Variants in RUNDC3B observed in about 807,000 individuals in gnomAD.
RUNDC3B encodes RUN domain containing 3B, also known as RUN domain-containing protein 3B.
A neutral mutation model predicts 58.4 loss-of-function variants in RUNDC3B; 33 were observed. The ratio of observed to expected loss-of-function variants is 0.56; its 90% CI spans 0.43 to 0.75. The LOEUF is 0.75. RUNDC3B is among the 30% of genes least tolerant of loss of function. The probability of loss-of-function intolerance (pLI) is 0.00; values close to 1 mark genes in which losing one functional copy is unlikely to be tolerated. For synonymous variants in RUNDC3B, 193 were observed against 195.2 expected (o/e 0.99, Z 0.10); for missense variants, 501 against 535.7 (o/e 0.94, Z 0.64).
chr7:87,809,472 T>G (rs1836597911), intron 9 of RUNDC3B, among the ~76,000 whole-genome samples: 1 of 152,178 alleles, frequency 6.6e-6, no homozygotes, highest in Non-Finnish European at 1.5e-5. Context: ...CTCCTTGCTC[T>G]TTTCTTTCTG....
intron 4 of RUNDC3B, among the ~76,000 whole-genome samples, chr7:87,730,224 C>A (rs539819612): frequency 2.0e-5 from 3 of 152,116 alleles, no homozygotes; most frequent in Non-Finnish European, 4.4e-5. Flanking sequence ...GGGACTTTGT[C>A]TTAGAGATTA....
At chr7:87,694,066 G>T in intron 2 of RUNDC3B, 1 of 1,534,878 alleles carries the variant, frequency 6.5e-7, no homozygotes, top group Non-Finnish European at 8.6e-7. Context: ...TACATTGCAT[G>T]GGTTTTGTAA....
chr7:87,779,889 T>C (rs1834834608), intron 8 of RUNDC3B, among the ~76,000 whole-genome samples: 1 of 151,986 alleles, frequency 6.6e-6, no homozygotes. Flanking sequence ...AGGTATTTGG[T>C]TTTCTGTTTC....
chr7:87,682,309 T>TA (rs1374519581), intron 2 of RUNDC3B, among the ~76,000 whole-genome samples: 1 of 152,230 alleles, frequency 6.6e-6, no homozygotes, highest in Non-Finnish European at 1.5e-5. Flanking sequence ...TTAATGTTGA[T>TA]ATTCTGTTAA....
intron 1 of RUNDC3B, among the ~76,000 whole-genome samples, chr7:87,641,049 T>C (rs1317147132): frequency 6.6e-6 from 1 of 152,222 alleles, no homozygotes; most frequent in Non-Finnish European, 1.5e-5. Flanking sequence ...CTCTTACTCC[T>C]TTCTTTGTCA....
At chr7:87,637,946 G>A (rs902625012) in intron 1 of RUNDC3B, among the ~76,000 whole-genome samples, 2 of 151,746 alleles carry the variant, frequency 1.3e-5, no homozygotes, top group Non-Finnish European at 2.9e-5. Flanking sequence ...TGCAGAAAAC[G>A]TTCAAAATTT....
chr7:87,740,144 G>A (rs1169601733), intron 5 of RUNDC3B, among the ~76,000 whole-genome samples: 1 of 152,000 alleles, frequency 6.6e-6, no homozygotes, highest in Non-Finnish European at 1.5e-5. Context: ...TTCCCCAACA[G>A]CCCCCTCCCT....
chr7:87,807,799 G>C (rs548344153), intron 9 of RUNDC3B, among the ~76,000 whole-genome samples: 1 of 151,984 alleles, frequency 6.6e-6, no homozygotes, highest in African/African-American at 2.4e-5. Flanking sequence ...TCTATCATTG[G>C]TGTGGTATTT....
chr7:87,771,482 G>A (rs1179092250), intron 7 of RUNDC3B, among the ~76,000 whole-genome samples: 1 of 152,048 alleles, frequency 6.6e-6, no homozygotes, highest in Non-Finnish European at 1.5e-5. Context: ...AAGACTTGTG[G>A]TACCAGCAAG....
Position 87,831,859 on chromosome 7 carries a change from T to C in RUNDC3B, c.*1829T>C, listed in dbSNP as rs140086871. The C allele has an allele frequency of 2.0e-5, 3 of 152,114 alleles. No homozygotes were observed. The highest frequency in any genetic ancestry group is 4.4e-5 in the Non-Finnish European group (3 of 67,900). The allele number at this position is 152,114 out of a possible 1,614,324, so 9.4% of individuals were successfully genotyped here. ...GTCCACTCTCAACCAACATTTATTA[T>C]CCTTTAGTAATTAAACAATGGTTTT... On this transcript the variant is annotated 3_prime_UTR_variant, in exon 11 of 11. Transcript: ENST00000394654.
chr7:87,655,677 T>C (rs943877637), intron 2 of RUNDC3B, among the ~76,000 whole-genome samples: 1 of 152,168 alleles, frequency 6.6e-6, no homozygotes, highest in South Asian at 2.1e-4. Flanking sequence ...GTGTATTGGA[T>C]ATTTGAAAAT....
chr7:87,795,662 G>A (rs894343941), intron 8 of RUNDC3B, among the ~76,000 whole-genome samples: 1 of 151,428 alleles, frequency 6.6e-6, no homozygotes, highest in African/African-American at 2.4e-5. Context: ...TGGATCACCT[G>A]AGGTCAGGAG....
intron 4 of RUNDC3B, among the ~76,000 whole-genome samples, chr7:87,737,496 T>C (rs1832055784): frequency 6.6e-6 from 1 of 152,196 alleles, no homozygotes; most frequent in African/African-American, 2.4e-5. Flanking sequence ...AGACAGCTTC[T>C]ACCTCTTTCA....
chr7:87,825,521 G>A lies in RUNDC3B; in HGVS notation c.1226-4364G>A, dbSNP rs571914633. Among the ~76,000 whole-genome samples the A allele has an allele frequency of 6.6e-5, 10 of 152,290 alleles. No individual in the cohort carries two copies. In the South Asian group the frequency reaches 2.1e-3, roughly 32 times the overall value. ...ACTTCTACCAGGGCAGTGCAGAAGG[G>A]AAATGTGGGGTCAGAACCCCCACAC... On this transcript the variant is annotated intron_variant, in intron 10 of 10. Transcript: ENST00000394654.
intron 10 of RUNDC3B, among the ~76,000 whole-genome samples, chr7:87,826,292 A>C (rs180702283): frequency 6.6e-6 from 1 of 152,204 alleles, no homozygotes; most frequent in African/African-American, 2.4e-5. Context: ...TGGTTTTCAA[A>C]AGGGGAGTTT....
At chr7:87,708,376 A>T (rs1045047385) in intron 3 of RUNDC3B, among the ~76,000 whole-genome samples, 2 of 152,180 alleles carry the variant, frequency 1.3e-5, no homozygotes, top group African/African-American at 4.8e-5. Context: ...CACATCTATT[A>T]TATAAATTTG....
chr7:87,730,690 G>T (rs1184180551), intron 4 of RUNDC3B, among the ~76,000 whole-genome samples: 1 of 151,372 alleles, frequency 6.6e-6, no homozygotes, highest in Non-Finnish European at 1.5e-5. Context: ...TCTGCTGATT[G>T]TAGAGCCCTT....
At chr7:87,794,655 G>A (rs1367400629) in intron 8 of RUNDC3B, among the ~76,000 whole-genome samples, 1 of 150,066 alleles carries the variant, frequency 6.7e-6, no homozygotes, top group African/African-American at 2.4e-5. Context: ...CATTTTTATG[G>A]AACCACAAAA....
intron 1 of RUNDC3B, among the ~76,000 whole-genome samples, chr7:87,649,981 A>G (rs1352434221): frequency 6.6e-6 from 1 of 152,184 alleles, no homozygotes; most frequent in Non-Finnish European, 1.5e-5. Flanking sequence ...CAGTGAGTCA[A>G]TTAAATCTCT....
Sources: gnomAD v4.1 joint callset for allele counts (sites outside exome capture counted in the v4.1 genomes callset) on GRCh38, gnomAD v4.1.1 for gene constraint, MANE v1.5 for transcripts, NCBI Gene and HGNC (gene_info 2026-07-23, HGNC 2026-07-21) for gene names.